Variants in ELP4 observed in about 807,000 individuals in gnomAD.
The protein encoded by ELP4 is elongator complex protein 4.
A neutral mutation model predicts 48.9 loss-of-function variants in ELP4; 51 were observed. That is an observed-to-expected ratio of 1.04 (90% confidence interval 0.83 to 1.32). The LOEUF (loss-of-function observed/expected upper bound fraction) is 1.32, where lower values mean the gene tolerates loss of function less well. Ranked by LOEUF, ELP4 falls within the 40% of genes most tolerant of loss-of-function variation. The probability of loss-of-function intolerance (pLI) is 0.00; values close to 1 mark genes in which losing one functional copy is unlikely to be tolerated. For missense variants in ELP4, 519 were observed against 514.6 expected (o/e 1.01, Z -0.08); for synonymous variants, 210 against 189.2 (o/e 1.11, Z -0.90).
intron 9 of ELP4, among the ~76,000 whole-genome samples, chr11:31,716,528 A>C (rs547883572): frequency 1.8e-4 from 28 of 152,320 alleles, no homozygotes; most frequent in African/African-American, 6.7e-4. Flanking sequence ...TGGCACATAA[A>C]TGCCATATAA....
intron 3 of ELP4, among the ~76,000 whole-genome samples, chr11:31,587,293 A>T (rs1015662491): frequency 5.9e-5 from 9 of 152,140 alleles, no homozygotes; most frequent in African/African-American, 2.2e-4. Context: ...AAACTAAGTA[A>T]CTCTGTGTCT....
At chr11:31,567,398 A>G (rs1957130413) in intron 3 of ELP4, among the ~76,000 whole-genome samples, 1 of 152,250 alleles carries the variant, frequency 6.6e-6, no homozygotes, top group Non-Finnish European at 1.5e-5. Flanking sequence ...CTTGATCCAT[A>G]TATGGATTTT....
intron 2 of ELP4, among the ~76,000 whole-genome samples, chr11:31,535,769 CACCT>C (rs1291138621): frequency 6.6e-6 from 1 of 152,234 alleles, no homozygotes; most frequent in Non-Finnish European, 1.5e-5. Flanking sequence ...TGGCCCCAAG[CACCT>C]AACCTCTCCT....
At chr11:31,773,784 C>G (rs1565149254) in intron 9 of ELP4, among the ~76,000 whole-genome samples, 1 of 152,230 alleles carries the variant, frequency 6.6e-6, no homozygotes, top group Non-Finnish European at 1.5e-5. Context: ...TGCACACCTT[C>G]ATAGCCCCTG....
At chr11:31,725,459 C>T (rs1947056560) in intron 9 of ELP4, among the ~76,000 whole-genome samples, 1 of 152,188 alleles carries the variant, frequency 6.6e-6, no homozygotes, top group African/African-American at 2.4e-5. Context: ...CTTCTCTCTG[C>T]CCTGCCATTT....
At chr11:31,615,319 A>C (rs541695710) in intron 5 of ELP4, among the ~76,000 whole-genome samples, 65 of 152,094 alleles carry the variant, frequency 4.3e-4, no homozygotes, top group Non-Finnish European at 8.1e-4. Context: ...GTTAACGTTA[A>C]GAGGATGTTC....
chr11:31,723,796 GA>G (rs1019307863), intron 9 of ELP4, among the ~76,000 whole-genome samples: 3 of 152,168 alleles, frequency 2.0e-5, no homozygotes, highest in Non-Finnish European at 1.5e-5. Context: ...TTTATGCACT[GA>G]AAAAGCAGAT....
chr11:31,738,424 A>G (rs1947369847), intron 9 of ELP4, among the ~76,000 whole-genome samples: 1 of 151,622 alleles, frequency 6.6e-6, no homozygotes, highest in South Asian at 2.1e-4. Flanking sequence ...AAAAAAATAA[A>G]TGAATAAATA....
intron 9 of ELP4, among the ~76,000 whole-genome samples, chr11:31,746,922 TAAAA>T (rs1384063611): frequency 7.4e-6 from 1 of 134,784 alleles, no homozygotes; most frequent in Non-Finnish European, 1.6e-5. Context: ...GTGAAAAAAA[TAAAA>T]AATAAAACAA....
rs374575991 is a variant in ELP4 at position 31,703,325 on chromosome 11, A to C, written c.1143+53104A>C. 1.3e-4 allele frequency among the ~76,000 whole-genome samples: 20 copies of C among 152,298 alleles called. No individual in the cohort carries two copies. In the East Asian group the frequency reaches 2.5e-3, roughly 19 times the overall value. On this transcript the variant is annotated intron_variant, in intron 9 of 9. Coordinates refer to ENST00000640961, the MANE Select transcript of ELP4 (RefSeq NM_019040.5). Reference sequence around the variant, plus strand: ...TTGCCCAGCTATCCCCAGATATTCTAAAACAGTTATGACACCTTTTCAGAT... The same window carrying C: ...TTGCCCAGCTATCCCCAGATATTCTCAAACAGTTATGACACCTTTTCAGAT...
chr11:31,742,598 A>G (rs1286706981), intron 9 of ELP4, among the ~76,000 whole-genome samples: 1 of 152,226 alleles, frequency 6.6e-6, no homozygotes, highest in Non-Finnish European at 1.5e-5. Context: ...CCAATATTCA[A>G]CTTTCTTAAA....
chr11:31,756,888 A>G (rs1947845121), intron 9 of ELP4, among the ~76,000 whole-genome samples: 1 of 152,244 alleles, frequency 6.6e-6, no homozygotes, highest in Non-Finnish European at 1.5e-5. Context: ...AAAGCTGTCC[A>G]CTGCGGCATA....
intron 3 of ELP4, among the ~76,000 whole-genome samples, chr11:31,568,568 T>C (rs1385012301): frequency 6.6e-6 from 1 of 152,136 alleles, no homozygotes; most frequent in South Asian, 2.1e-4. Flanking sequence ...ATGGTACTGG[T>C]ATAAAGACAG....
At chr11:31,519,274 ATTAAC>A (rs1413619208) in intron 1 of ELP4, among the ~76,000 whole-genome samples, 1 of 152,240 alleles carries the variant, frequency 6.6e-6, no homozygotes, top group East Asian at 1.9e-4. Flanking sequence ...ATAAAAAAGA[ATTAAC>A]TTTAATTATC....
chr11:31,731,310 A>T (rs1258357910), intron 9 of ELP4, among the ~76,000 whole-genome samples: 1 of 152,226 alleles, frequency 6.6e-6, no homozygotes, highest in Non-Finnish European at 1.5e-5. Flanking sequence ...AATCAAACTC[A>T]GAGAAACTAT....
At chr11:31,620,122 T>TA (rs1208476439) in intron 5 of ELP4, among the ~76,000 whole-genome samples, 2 of 151,940 alleles carry the variant, frequency 1.3e-5, no homozygotes, top group Admixed American at 1.3e-4. Context: ...AGGATATGTA[T>TA]AGTGGGAATA....
intron 4 of ELP4, 95 bp from the exon 5 acceptor site, chr11:31,603,673 T>C (rs552329556): frequency 3.7e-6 from 5 of 1,340,150 alleles, no homozygotes; most frequent in East Asian, 2.4e-5. Flanking sequence ...TAGCTTAAAA[T>C]TCATAAATAT....
intron 9 of ELP4, among the ~76,000 whole-genome samples, chr11:31,740,950 A>T (rs1409327933): frequency 6.6e-6 from 1 of 152,248 alleles, no homozygotes. Flanking sequence ...GCATCGCCTC[A>T]CCCGGGAAGT....
At chr11:31,560,215 G>A (rs1161823902) in intron 3 of ELP4, among the ~76,000 whole-genome samples, 1 of 152,072 alleles carries the variant, frequency 6.6e-6, no homozygotes, top group East Asian at 1.9e-4. Flanking sequence ...GGTGTTGACA[G>A]TAGATATTTT....
Sources: allele counts gnomAD v4.1 joint callset (sites outside exome capture counted in the v4.1 genomes callset), GRCh38; gene constraint gnomAD v4.1.1; transcripts MANE v1.5; gene names NCBI Gene and HGNC (gene_info 2026-07-23, HGNC 2026-07-21).